The following TEAD1 variants were observed in gnomAD, a reference collection of about 807,000 sequenced individuals.
TEAD1 encodes TEA domain transcription factor 1, also known as transcriptional enhancer factor TEF-1.
Under a neutral mutation model 54.9 loss-of-function variants are expected in TEAD1, and 9 were observed. That is an observed-to-expected ratio of 0.16 (90% CI 0.10 to 0.29). The LOEUF (loss-of-function observed/expected upper bound fraction) is 0.29, where lower values mean the gene tolerates loss of function less well. Ranked by LOEUF, TEAD1 falls within the 10% of genes least tolerant of loss-of-function variation. The pLI is 1.00. For synonymous variants in TEAD1, 200 were observed against 187.8 expected (o/e 1.07, Z -0.53); for missense variants, 387 against 535.9 (o/e 0.72, Z 2.74).
intron 2 of TEAD1, among the ~76,000 whole-genome samples, chr11:12,695,541 G>A (rs1236595495): frequency 6.6e-6 from 1 of 152,050 alleles, no homozygotes; most frequent in Non-Finnish European, 1.5e-5. Flanking sequence ...TCGGGGCCAG[G>A]GATTGATTAA....
chr11:12,675,848 T>C (rs1270289347), intron 2 of TEAD1, among the ~76,000 whole-genome samples: 3 of 152,262 alleles, frequency 2.0e-5, no homozygotes, highest in Non-Finnish European at 1.5e-5. Flanking sequence ...GAATTTTCTT[T>C]GCTTTTAAAT....
chr11:12,812,946 C>G (rs573021582), intron 3 of TEAD1, among the ~76,000 whole-genome samples: 1 of 152,192 alleles, frequency 6.6e-6, no homozygotes, highest in African/African-American at 2.4e-5. Flanking sequence ...TAGCAGCCTC[C>G]TGGCACAAAG....
intron 5 of TEAD1, chr11:12,878,961 G>T: frequency 8.1e-7 from 1 of 1,237,328 alleles, no homozygotes; most frequent in Non-Finnish European, 1.0e-6. Context: ...GACTTTTTTG[G>T]CTAGCTTTGT....
chr11:12,925,063 C>T lies in TEAD1; in HGVS notation c.1014+11C>T. The T allele has an allele frequency of 6.2e-7, 1 of 1,613,830 alleles. No homozygotes were observed. The highest frequency in any genetic ancestry group is 8.5e-7 in the Non-Finnish European group (1 of 1,180,008). ...GTAGAAAAAGTAGAGGTAAGTTGGC[C>T]TCTGTATACTGGAAACTTCATTCAA... is the stretch of plus-strand genomic sequence containing the variant. On this transcript the variant is annotated intron_variant, in intron 11 of 12. Transcript: ENST00000527636.
chr11:12,936,436 T>C (rs1190996779), intron 12 of TEAD1, among the ~76,000 whole-genome samples: 2 of 152,234 alleles, frequency 1.3e-5, no homozygotes, highest in Non-Finnish European at 1.5e-5. Flanking sequence ...GATACTTTTC[T>C]GGGTCTAGGC....
chr11:12,739,790 G>A (rs1228403691), intron 2 of TEAD1, among the ~76,000 whole-genome samples: 3 of 152,118 alleles, frequency 2.0e-5, no homozygotes, highest in African/African-American at 7.2e-5. Context: ...CCAGACATCG[G>A]GCTAGTTGCT....
intron 9 of TEAD1, among the ~76,000 whole-genome samples, chr11:12,897,516 G>A (rs1948335661): frequency 6.6e-6 from 1 of 152,170 alleles, no homozygotes; most frequent in Non-Finnish European, 1.5e-5. Context: ...GGCACCTTCT[G>A]TAGTACTTTG....
At chr11:12,782,747 G>A (rs745729117) in intron 3 of TEAD1, among the ~76,000 whole-genome samples, 3 of 152,212 alleles carry the variant, frequency 2.0e-5, no homozygotes, top group Non-Finnish European at 4.4e-5. Context: ...CATGTGCAGA[G>A]CACGTTTATA....
In TEAD1 at chr11:12,787,826, C is replaced by CT. The variant is rs1284063621; in HGVS notation, c.202+23394dup. Among the ~76,000 whole-genome samples, 10 of 152,112 alleles carry CT rather than the reference C, an allele frequency of 6.6e-5. No individual in the cohort carries two copies. In the East Asian group the frequency reaches 1.7e-3, roughly 26 times the overall value. Reference sequence around the variant, plus strand: ...AAATACTGAGGCTATAAAATCTTGGCTTGTAAGTAAATAAAATTATTTTAA... The same window carrying CT: ...AAATACTGAGGCTATAAAATCTTGGCTTTGTAAGTAAATAAAATTATTTTAA... On this transcript the variant is annotated intron_variant, in intron 3 of 12. Transcript: ENST00000527636.
At chr11:12,784,300 G>A (rs1199016335) in intron 3 of TEAD1, among the ~76,000 whole-genome samples, 2 of 152,120 alleles carry the variant, frequency 1.3e-5, no homozygotes, top group Non-Finnish European at 2.9e-5. Context: ...GGGGTAATGA[G>A]TTTTGAGTTG....
rs5789752 is a variant in TEAD1, at chr11:12,910,747, C to CTTTTTTTTTTTTTTTT, written c.873+8636_873+8651dup. Among the ~76,000 whole-genome samples the CTTTTTTTTTTTTTTTT allele has an allele frequency of 1.7e-4, 20 of 119,922 alleles. 1 individual carries two copies. The highest frequency in any genetic ancestry group is 2.7e-4 in the Admixed American group (3 of 11,130). 78.7% of individuals were successfully genotyped at this position (119,922 alleles called of 152,430 possible). On this transcript the variant is annotated intron_variant, in intron 10 of 12. Transcript: ENST00000527636. ...ACTGTCTACATAGTTACTTAATTTG[C>CTTTTTTTTTTTTTTTT]TTTTTTTTTTTTTTTTTGAGATGGA...
At chr11:12,724,000 AC>A (rs1944264065) in intron 2 of TEAD1, among the ~76,000 whole-genome samples, 1 of 152,206 alleles carries the variant, frequency 6.6e-6, no homozygotes. Flanking sequence ...TACCATGGCC[AC>A]TGAACTGGTT....
chr11:12,793,294 AT>A (rs919124733), intron 3 of TEAD1, among the ~76,000 whole-genome samples: 1 of 152,070 alleles, frequency 6.6e-6, no homozygotes, highest in African/African-American at 2.4e-5. Context: ...AAGGATAGAT[AT>A]TTTTTTTAAG....
At chr11:12,681,853 A>G (rs963647480) in intron 2 of TEAD1, among the ~76,000 whole-genome samples, 4 of 152,338 alleles carry the variant, frequency 2.6e-5, no homozygotes, top group African/African-American at 9.6e-5. Context: ...TTCAGGGCAC[A>G]TAGATCCATT....
chr11:12,719,949 G>GTTTTTTTTTTTT (rs1200965763), intron 2 of TEAD1, among the ~76,000 whole-genome samples: 2 of 40,016 alleles, frequency 5.0e-5, no homozygotes, highest in Admixed American at 4.5e-4. Context: ...GAAATCTAAT[G>GTTTTTTTTTTTT]TTTTTTTTTT....
At chr11:12,729,254 T>C (rs573347098) in intron 2 of TEAD1, among the ~76,000 whole-genome samples, 1 of 152,346 alleles carries the variant, frequency 6.6e-6, no homozygotes, top group Non-Finnish European at 1.5e-5. Context: ...TCCCCAGGCC[T>C]CTCTCTTGCT....
intron 2 of TEAD1, among the ~76,000 whole-genome samples, chr11:12,708,621 T>G (rs1456580163): frequency 6.6e-6 from 1 of 152,100 alleles, no homozygotes; most frequent in African/African-American, 2.4e-5. Flanking sequence ...ACAGAATTTA[T>G]CCTAAGGAAA....
intron 3 of TEAD1, among the ~76,000 whole-genome samples, chr11:12,834,733 A>G (rs939526781): frequency 1.5e-5 from 1 of 65,492 alleles, no homozygotes; most frequent in Non-Finnish European, 3.2e-5. Context: ...AAGTATTGGG[A>G]TTACAGAGGT....
intron 3 of TEAD1, among the ~76,000 whole-genome samples, chr11:12,858,705 A>T (rs890190491): frequency 1.3e-5 from 2 of 152,244 alleles, no homozygotes; most frequent in Non-Finnish European, 2.9e-5. Flanking sequence ...CATGAGAGTG[A>T]AGATGAGCTT....
Sources: gnomAD v4.1 joint callset for allele counts (sites outside exome capture counted in the v4.1 genomes callset) on GRCh38, gnomAD v4.1.1 for gene constraint, MANE v1.5 for transcripts, NCBI Gene and HGNC (gene_info 2026-07-23, HGNC 2026-07-21) for gene names.